PCDH9: variants seen among roughly 807,000 people sequenced by gnomAD.
The protein encoded by PCDH9 is protocadherin-9.
In PCDH9, 24 loss-of-function variants were observed where a neutral mutation model predicts 70.6. That is an observed-to-expected ratio of 0.34 (90% CI 0.25 to 0.48). The LOEUF is 0.48. PCDH9 is among the 20% of genes least tolerant of loss of function. PCDH9 has a pLI of 0.99. For missense variants in PCDH9, 1,281 were observed against 1,503.6 expected (o/e 0.85, Z 2.45); for synonymous variants, 562 against 558.5 (o/e 1.01, Z -0.09).
intron 3 of PCDH9, among the ~76,000 whole-genome samples, chr13:66,745,708 G>A (rs2139213035): frequency 6.6e-6 from 1 of 152,110 alleles, no homozygotes; most frequent in South Asian, 2.1e-4. Context: ...ACCAAAGGCA[G>A]CTATCGAATA....
chr13:66,671,748 G>C (rs2078178047), intron 3 of PCDH9, among the ~76,000 whole-genome samples: 2 of 152,056 alleles, frequency 1.3e-5, no homozygotes, highest in African/African-American at 4.8e-5. Context: ...ATGTGACTTG[G>C]GTGCTCTTAA....
intron 2 of PCDH9, chr13:67,215,731 A>G (rs1362299131): frequency 1.3e-5 from 2 of 152,266 alleles, no homozygotes; most frequent in South Asian, 2.1e-4. Context: ...TGATTGTTGT[A>G]AAGATTAAAT....
At chr13:66,621,220 A>G (rs1412057464) in intron 4 of PCDH9, among the ~76,000 whole-genome samples, 1 of 152,172 alleles carries the variant, frequency 6.6e-6, no homozygotes, top group Non-Finnish European at 1.5e-5. Flanking sequence ...GATGATGGAA[A>G]ATCACTCTGA....
chr13:66,395,749 A>G (rs1957091889), intron 4 of PCDH9, among the ~76,000 whole-genome samples: 1 of 152,208 alleles, frequency 6.6e-6, no homozygotes, highest in African/African-American at 2.4e-5. Flanking sequence ...CCAAAACATC[A>G]TTATGCACTT....
chr13:66,983,822 T>G (rs1019147435), intron 2 of PCDH9, among the ~76,000 whole-genome samples: 1 of 151,936 alleles, frequency 6.6e-6, no homozygotes, highest in Non-Finnish European at 1.5e-5. Context: ...TTTTTTGTTT[T>G]TTTTTGTTTT....
intron 2 of PCDH9, among the ~76,000 whole-genome samples, chr13:66,999,139 T>C (rs58842129): frequency 0.18 from 27,422 of 152,164 alleles, 2,597 homozygotes; most frequent in Middle Eastern, 0.23. Flanking sequence ...TTTGCTCAGA[T>C]TGTGCATGTT....
chr13:66,910,517 T>C (rs2082443273), intron 2 of PCDH9, among the ~76,000 whole-genome samples: 1 of 102,492 alleles, frequency 9.8e-6, no homozygotes, highest in Non-Finnish European at 1.9e-5. Flanking sequence ...ATAAGAATGC[T>C]TTATGCGTAA....
intron 4 of PCDH9, among the ~76,000 whole-genome samples, chr13:66,349,534 A>G (rs533919748): frequency 2.0e-5 from 3 of 152,326 alleles, no homozygotes; most frequent in African/African-American, 7.2e-5. Context: ...TCACAGCAGC[A>G]GAGCCTGCAG....
intron 4 of PCDH9, among the ~76,000 whole-genome samples, chr13:66,436,021 T>A (rs886942320): frequency 2.2e-4 from 33 of 151,916 alleles, no homozygotes; most frequent in South Asian, 4.2e-4. Flanking sequence ...ACTCTTTTTT[T>A]TAAAAAAAAG....
chr13:66,368,337 G>T (rs1956586711), intron 4 of PCDH9, among the ~76,000 whole-genome samples: 1 of 151,744 alleles, frequency 6.6e-6, no homozygotes, highest in Admixed American at 6.6e-5. Context: ...TTAAATTGTT[G>T]AATATATTAT....
intron 2 of PCDH9, among the ~76,000 whole-genome samples, chr13:66,926,936 G>T (rs1458089900): frequency 2.0e-5 from 3 of 152,048 alleles, no homozygotes; most frequent in Non-Finnish European, 4.4e-5. Flanking sequence ...AGAGGAGTAG[G>T]CTAGGGAAGT....
intron 2 of PCDH9, among the ~76,000 whole-genome samples, chr13:67,068,970 G>A (rs2138148334): frequency 2.0e-5 from 3 of 150,310 alleles, no homozygotes; most frequent in East Asian, 3.9e-4. Context: ...TCATTAGAAA[G>A]GTCTCTAAAC....
rs999071919 is a variant in PCDH9 at position 67,027,296 on chromosome 13, G to A, written c.3037-123691C>T. Among the ~76,000 whole-genome samples the A allele has an allele frequency of 3.9e-5, 6 of 152,098 alleles. 1 individual carries two copies. In the Middle Eastern group the frequency reaches 0.014, roughly 345 times the overall value. ...ACTATCTGATCTTTGACAAACCTGA[G>A]AAAAACAAGAAATGGGGAAAGGATT... On this transcript the variant is annotated intron_variant, in intron 2 of 4. Coordinates refer to ENST00000377865, the MANE Select transcript of PCDH9 (RefSeq NM_203487.3).
At chr13:67,001,085 C>A (rs529191136) in intron 2 of PCDH9, among the ~76,000 whole-genome samples, 11 of 152,254 alleles carry the variant, frequency 7.2e-5, no homozygotes, top group African/African-American at 2.4e-4. Flanking sequence ...ACTATCTTGC[C>A]AAAGTCACAT....
chr13:66,310,852 A>G (rs71442695), intron 4 of PCDH9, among the ~76,000 whole-genome samples: 2 of 152,080 alleles, frequency 1.3e-5, no homozygotes, highest in Admixed American at 1.3e-4. Flanking sequence ...TCTTGGATGG[A>G]ATACACATCT....
chr13:66,829,821 A>G (rs1158200655), intron 3 of PCDH9, among the ~76,000 whole-genome samples: 2 of 151,712 alleles, frequency 1.3e-5, no homozygotes, highest in Non-Finnish European at 2.9e-5. Flanking sequence ...TCAAAATACA[A>G]GTTTTTAGCC....
intron 2 of PCDH9, among the ~76,000 whole-genome samples, chr13:66,986,466 A>G (rs2083893564): frequency 1.3e-5 from 2 of 152,036 alleles, no homozygotes; most frequent in African/African-American, 4.8e-5. Context: ...GCAACTGAAT[A>G]ATCTGTTTTT....
intron 4 of PCDH9, among the ~76,000 whole-genome samples, chr13:66,582,853 G>A (rs2076911511): frequency 6.6e-6 from 1 of 152,032 alleles, no homozygotes; most frequent in Non-Finnish European, 1.5e-5. Flanking sequence ...TGACTCTTTG[G>A]TCAACACTAC....
intron 1 of PCDH9, among the ~76,000 whole-genome samples, chr13:67,229,096 G>A (rs1015337781): frequency 6.6e-6 from 1 of 152,130 alleles, no homozygotes; most frequent in African/African-American, 2.4e-5. Flanking sequence ...CAATCTTACT[G>A]GGAAACGAGC....
Sources: allele counts gnomAD v4.1 joint callset (sites outside exome capture counted in the v4.1 genomes callset), GRCh38; gene constraint gnomAD v4.1.1; transcripts MANE v1.5; gene names NCBI Gene and HGNC (gene_info 2026-07-23, HGNC 2026-07-21).